DZIP3: variants seen among roughly 807,000 people sequenced by gnomAD.
The protein encoded by DZIP3 is E3 ubiquitin-protein ligase DZIP3.
Under a neutral mutation model 162.0 loss-of-function variants are expected in DZIP3, and 118 were observed. The ratio of observed to expected loss-of-function variants is 0.73; its 90% CI spans 0.63 to 0.85. The LOEUF is 0.85. DZIP3 is among the 40% of genes least tolerant of loss of function. DZIP3 has a pLI of 0.00. For missense variants in DZIP3, 1,331 were observed against 1,407.0 expected (o/e 0.95, Z 0.86); for synonymous variants, 438 against 458.6 (o/e 0.96, Z 0.57).
At chr3:108,684,844 A>G (rs1944443222) in intron 27 of DZIP3, among the ~76,000 whole-genome samples, 1 of 152,212 alleles carries the variant, frequency 6.6e-6, no homozygotes, top group African/African-American at 2.4e-5. Flanking sequence ...AAATCTTCCC[A>G]GCTACAAATA....
At chr3:108,609,198 G>T (rs1559723113) in intron 3 of DZIP3, among the ~76,000 whole-genome samples, 1 of 152,160 alleles carries the variant, frequency 6.6e-6, no homozygotes, top group Non-Finnish European at 1.5e-5. Flanking sequence ...GACTTGGGTA[G>T]GCACATGTTT....
chr3:108,684,488 G>C, intron 27 of DZIP3, 147 bp downstream of exon 27: 2 of 1,027,846 alleles, frequency 1.9e-6, no homozygotes, highest in Non-Finnish European at 2.8e-6. Flanking sequence ...TTCCTGTGAA[G>C]CACTGTGCTC....
At chr3:108,684,376 G>GT (rs747181786) in intron 27 of DZIP3, 35 bp downstream of exon 27, 10 of 1,591,418 alleles carry the variant, frequency 6.3e-6, no homozygotes, top group Non-Finnish European at 8.5e-6. Flanking sequence ...ATGTTAATTA[G>GT]TTTTTTTATT....
Position 108,644,311 on chromosome 3 carries a change from A to T in DZIP3, c.1289A>T (p.Asn430Ile), listed in dbSNP as rs1450075545. Residue 430 changes from asparagine (N) to isoleucine (I), a missense_variant, in exon 14 of 33, where the codon AAT becomes ATT. Asn to Ile is a moderately radical substitution (Grantham distance 149). Coordinates refer to ENST00000361582, the MANE Select transcript of DZIP3 (RefSeq NM_014648.4). ...LLKKELLIHK[N>I]VLESYYNHLW... ...AAAAAAGAGCTTCTTATACACAAGAATGTGCTGGAATCCTACTACAACCAT... is the reference window on the plus strand; with the variant it reads ...AAAAAAGAGCTTCTTATACACAAGATTGTGCTGGAATCCTACTACAACCAT... 1 of 1,614,112 alleles carries T rather than the reference A, an allele frequency of 6.2e-7. No homozygotes were observed. The highest frequency in any genetic ancestry group is 1.1e-5 in the South Asian group (1 of 91,080).
chr3:108,662,293 GC>G, intron 21 of DZIP3, 36 bp downstream of exon 21: 1 of 1,559,248 alleles, frequency 6.4e-7, no homozygotes, highest in Non-Finnish European at 8.6e-7. Flanking sequence ...GAAATTCTGC[GC>G]CGTAATAAAC....
chr3:108,674,526 G>C (rs528537997), intron 24 of DZIP3, among the ~76,000 whole-genome samples: 6 of 151,986 alleles, frequency 3.9e-5, no homozygotes, highest in Admixed American at 2.6e-4. Context: ...TAGTGAAGTA[G>C]ATCAAAAGTC....
chr3:108,598,821 G>T (rs1192689459), intron 1 of DZIP3, among the ~76,000 whole-genome samples: 1 of 152,154 alleles, frequency 6.6e-6, no homozygotes, highest in African/African-American at 2.4e-5. Flanking sequence ...GCTTCTTCCA[G>T]TGGTTTCTAG....
rs537320150 is a variant in DZIP3, at chr3:108,598,666, C to T, written c.-72-6669C>T. Among the ~76,000 whole-genome samples, 6 of 152,296 alleles carry T rather than the reference C, an allele frequency of 3.9e-5. No individual in the cohort carries two copies. In the South Asian group the frequency reaches 1.2e-3, roughly 32 times the overall value. ...AGTACATGAAAGAAGTATTCCCATT[C>T]CCTATTTGATTACCATCTCTGCGTG... is the stretch of plus-strand genomic sequence containing the variant. On this transcript the variant is annotated intron_variant, in intron 1 of 32. Coordinates refer to ENST00000361582, the MANE Select transcript of DZIP3 (RefSeq NM_014648.4).
At chr3:108,669,471 C>G (rs559088638) in intron 21 of DZIP3, among the ~76,000 whole-genome samples, 1 of 151,742 alleles carries the variant, frequency 6.6e-6, no homozygotes, top group Non-Finnish European at 1.5e-5. Context: ...ACTTAGTTCC[C>G]CTTTCTTTGG....
At chr3:108,622,525 T>C (rs1039252112) in intron 5 of DZIP3, among the ~76,000 whole-genome samples, 3 of 152,204 alleles carry the variant, frequency 2.0e-5, no homozygotes, top group Non-Finnish European at 4.4e-5. Flanking sequence ...TTGATGCTAA[T>C]GGATGTCCAT....
chr3:108,615,221 C>T (rs1218472316), intron 4 of DZIP3, among the ~76,000 whole-genome samples: 1 of 152,200 alleles, frequency 6.6e-6, no homozygotes, highest in Non-Finnish European at 1.5e-5. Flanking sequence ...AGTAGTTTTC[C>T]ATTGCTTTCA....
Position 108,688,846 on chromosome 3 carries a change from G to A in DZIP3, c.3438G>A (p.Glu1146=). 1 of 1,614,168 alleles carries A rather than the reference G, an allele frequency of 6.2e-7. No individual in the cohort carries two copies. The highest frequency in any genetic ancestry group is 8.5e-7 in the Non-Finnish European group (1 of 1,180,024). Residue 1146 remains glutamate, a synonymous_variant, in exon 31 of 33, where the codon GAG becomes GAA. Coordinates refer to ENST00000361582, the MANE Select transcript of DZIP3 (RefSeq NM_014648.4). The part of the protein sequence containing the change: ...SNPDEEEEEE[E]PCVICHENLS... ...AGGATGAGGAAGAGGAAGAAGAAGA[G>A]CCTTGTGTGATCTGTCATGAGAATC...
chr3:108,631,043 A>ACTCTCTCTCT (rs1559741160), intron 8 of DZIP3, among the ~76,000 whole-genome samples: 5 of 90,294 alleles, frequency 5.5e-5, no homozygotes, highest in African/African-American at 2.5e-4. Flanking sequence ...ACACACACAC[A>ACTCTCTCTCT]CACACACACA....
Position 108,639,105 on chromosome 3 carries a change from G to A in DZIP3, c.1064+1557G>A, listed in dbSNP as rs191230207. On this transcript the variant is annotated intron_variant, in intron 12 of 32. Transcript: ENST00000361582. ...GCTCCTTTGTCTAGTTAAAGCTTTCGAAAAGCCTTACTTAGATTACAGTAG... is the reference window on the plus strand; with the variant it reads ...GCTCCTTTGTCTAGTTAAAGCTTTCAAAAAGCCTTACTTAGATTACAGTAG... 3.7e-3 allele frequency among the ~76,000 whole-genome samples: 569 copies of A among 152,250 alleles called. 1 individual carries two copies. Among genetic ancestry groups the A allele is most frequent in the African/African-American group, 0.013 (523 of 41,540 alleles).
chr3:108,602,230 G>A (rs565240943), intron 1 of DZIP3, among the ~76,000 whole-genome samples: 80 of 152,200 alleles, frequency 5.3e-4, no homozygotes, highest in Non-Finnish European at 9.1e-4. Flanking sequence ...CTGCTTTGAC[G>A]TGAATAAACA....
At chr3:108,656,175 T>G in intron 19 of DZIP3, among the ~76,000 whole-genome samples, 1 of 152,204 alleles carries the variant, frequency 6.6e-6, no homozygotes, top group East Asian at 1.9e-4. Context: ...GCTTGAGATC[T>G]GAGAACGGAC....
chr3:108,635,277 T>C lies in DZIP3; in HGVS notation c.918+305T>C, dbSNP rs551874507. ...CCCTTCCTTTTAGAAATGTATACTC[T>C]TAAGAATAGAAATATTGTTGCATAT... On this transcript the variant is annotated intron_variant, in intron 10 of 32. Coordinates refer to ENST00000361582, the MANE Select transcript of DZIP3 (RefSeq NM_014648.4). The C allele has an allele frequency of 4.5e-4, 102 of 224,398 alleles. 1 individual carries two copies. Among genetic ancestry groups the C allele is most frequent in the African/African-American group, 1.8e-3 (78 of 43,266 alleles). 13.9% of individuals were successfully genotyped at this position (224,398 alleles called of 1,614,324 possible). A position where few individuals can be genotyped will look rare whatever the true frequency, so the allele number is the denominator to read the frequency against.
At position 108,648,096 on chromosome 3, in the gene DZIP3, T is replaced by C. The variant is rs1401473225; in HGVS notation, c.1946T>C (p.Leu649Pro). 2 of 1,599,790 alleles carry C rather than the reference T, an allele frequency of 1.3e-6. No homozygotes were observed. The highest frequency in any genetic ancestry group is 2.7e-5 in the African/African-American group (2 of 73,988). Residue 649 changes from leucine to proline, a missense_variant, in exon 16 of 33, where the codon CTT becomes CCT. Physicochemically the swap from Leu to Pro is moderately conservative, Grantham distance 98. This residue lies in a region of DZIP3 where 1,278 missense variants were observed against 1,317.1 expected (regional missense o/e 0.97). Transcript: ENST00000361582. Reference sequence around the variant, plus strand: ...CCCAGTGAATCTTCAACAGAATCTCTTAAAGATCTCCAGGAAGTATAAGCT... The same window carrying C: ...CCCAGTGAATCTTCAACAGAATCTCCTAAAGATCTCCAGGAAGTATAAGCT... Reference protein sequence around the residue: ...SIPSESSTESLKDLQEVKSKQ... With the variant: ...SIPSESSTESPKDLQEVKSKQ...
At chr3:108,678,126 G>A (rs1236485620) in intron 26 of DZIP3, among the ~76,000 whole-genome samples, 1 of 151,776 alleles carries the variant, frequency 6.6e-6, no homozygotes, top group Non-Finnish European at 1.5e-5. Flanking sequence ...TGCATGTGAA[G>A]GATCTAGGTT....
Sources: gnomAD v4.1 joint callset for allele counts (sites outside exome capture counted in the v4.1 genomes callset) on GRCh38, gnomAD v4.1.1 for gene constraint, gnomAD v4.1.1 regional missense constraint, MANE v1.5 for transcripts, NCBI Gene and HGNC (gene_info 2026-07-23, HGNC 2026-07-21) for gene names.